The following ZNF385D variants were observed in gnomAD, a reference collection of about 807,000 sequenced individuals.
ZNF385D encodes zinc finger protein 385D.
Under a neutral mutation model 35.8 loss-of-function variants are expected in ZNF385D, and 15 were observed. The observed-to-expected ratio is 0.42, with a 90% CI of 0.28 to 0.64. ZNF385D has a LOEUF of 0.64. ZNF385D is among the 30% of genes least tolerant of loss of function. The pLI, the probability that ZNF385D is intolerant of heterozygous loss-of-function variation, is 0.23. For synonymous variants in ZNF385D, 212 were observed against 186.8 expected, an observed-to-expected ratio of 1.13 and a Z score of -1.10; for missense variants, 474 against 494.6, an observed-to-expected ratio of 0.96 and a Z score of 0.39.
chr3:22,212,725 T>C (rs1045072477), intron 2 of ZNF385D, among the ~76,000 whole-genome samples: 1 of 151,996 alleles, frequency 6.6e-6, no homozygotes, highest in Non-Finnish European at 1.5e-5. Context: ...ATAAAGCCTG[T>C]TTTTAAAAAA....
chr3:21,565,381 G>A (rs535859526), intron 2 of ZNF385D, among the ~76,000 whole-genome samples: 167 of 152,180 alleles, frequency 1.1e-3, no homozygotes, highest in African/African-American at 3.7e-3. Flanking sequence ...CTCTGATAAA[G>A]TTTAGTGTCC....
intron 4 of ZNF385D, among the ~76,000 whole-genome samples, chr3:21,473,472 G>A (rs1410006170): frequency 6.6e-6 from 1 of 152,060 alleles, no homozygotes; most frequent in Non-Finnish European, 1.5e-5. Context: ...CTGGGGAAAT[G>A]TTTTATGTGT....
intron 3 of ZNF385D, among the ~76,000 whole-genome samples, chr3:21,787,480 A>C (rs2071740663): frequency 1.3e-5 from 2 of 152,158 alleles, no homozygotes; most frequent in African/African-American, 4.8e-5. Context: ...CCAGATGCTA[A>C]TATCCAGCAC....
intron 3 of ZNF385D, among the ~76,000 whole-genome samples, chr3:21,994,172 T>C (rs914600535): frequency 6.6e-6 from 1 of 152,196 alleles, no homozygotes; most frequent in African/African-American, 2.4e-5. Flanking sequence ...TACAGGTGTG[T>C]TCCTGGACAT....
At chr3:22,285,705 C>G (rs1237684856) in intron 2 of ZNF385D, among the ~76,000 whole-genome samples, 1 of 152,032 alleles carries the variant, frequency 6.6e-6, no homozygotes, top group Non-Finnish European at 1.5e-5. Context: ...ACAGCAGTCG[C>G]TGGTGTGTGA....
intron 4 of ZNF385D, among the ~76,000 whole-genome samples, chr3:21,492,616 C>A (rs1361923496): frequency 6.6e-6 from 1 of 151,550 alleles, no homozygotes; most frequent in Non-Finnish European, 1.5e-5. Context: ...AACCTCCTCT[C>A]CACCAAAAAC....
At chr3:21,423,187 T>C (rs1359502728) in intron 7 of ZNF385D, among the ~76,000 whole-genome samples, 5 of 152,208 alleles carry the variant, frequency 3.3e-5, no homozygotes, top group Non-Finnish European at 7.3e-5. Context: ...AAATGGGCAA[T>C]GCTACTAAAC....
At chr3:21,808,382 G>C (rs957324646) in intron 3 of ZNF385D, among the ~76,000 whole-genome samples, 2 of 152,132 alleles carry the variant, frequency 1.3e-5, no homozygotes, top group African/African-American at 4.8e-5. Context: ...TATGACTCCA[G>C]ATTCTTTGCT....
chr3:22,345,652 C>T lies in ZNF385D; in HGVS notation c.106+26798G>A, dbSNP rs190335313. On this transcript the variant is annotated intron_variant, in intron 2 of 5. Transcript: ENST00000494108. ...AATAAAGCAGCTAGGTACAGAATAG[C>T]GGCTGTGTAATGAGTGCTGAGCTGT... 9.8e-3 allele frequency among the ~76,000 whole-genome samples: 1,490 copies of T among 152,210 alleles called. 9 individuals carry two copies. Among genetic ancestry groups the T allele is most frequent in the Non-Finnish European group, 0.014 (952 of 68,000 alleles).
intron 3 of ZNF385D, among the ~76,000 whole-genome samples, chr3:21,860,587 C>T (rs370925364): frequency 2.0e-5 from 3 of 152,140 alleles, no homozygotes; most frequent in African/African-American, 7.2e-5. Context: ...GAAAGTGCTC[C>T]TGGGACAGGA....
intron 3 of ZNF385D, among the ~76,000 whole-genome samples, chr3:22,059,503 C>T (rs979601036): frequency 1.3e-5 from 2 of 152,110 alleles, no homozygotes; most frequent in Non-Finnish European, 2.9e-5. Flanking sequence ...GAGTGACAGA[C>T]GTATCTTTCT....
intron 2 of ZNF385D, among the ~76,000 whole-genome samples, chr3:22,219,176 T>C (rs1247465514): frequency 6.6e-6 from 1 of 152,186 alleles, no homozygotes; most frequent in Non-Finnish European, 1.5e-5. Context: ...GAACTGACTA[T>C]GAAGACATAT....
At chr3:21,443,448 G>A (rs1375340144) in intron 4 of ZNF385D, 5 of 510,846 alleles carry the variant, frequency 9.8e-6, no homozygotes, top group Non-Finnish European at 1.3e-5. Context: ...TCCATATACA[G>A]GATGCTGTGT....
intron 2 of ZNF385D, among the ~76,000 whole-genome samples, chr3:22,246,331 T>G (rs1049161326): frequency 3.3e-5 from 5 of 152,298 alleles, no homozygotes; most frequent in African/African-American, 1.2e-4. Flanking sequence ...CTCTGTCTAC[T>G]CTGAAGCATG....
intron 2 of ZNF385D, among the ~76,000 whole-genome samples, chr3:21,599,260 A>C (rs2064213284): frequency 6.6e-6 from 1 of 152,248 alleles, no homozygotes; most frequent in Non-Finnish European, 1.5e-5. Flanking sequence ...AGGATTCCAG[A>C]AAGATCTTTT....
intron 1 of ZNF385D, among the ~76,000 whole-genome samples, chr3:21,676,302 A>G (rs142589668): frequency 1.4e-4 from 22 of 152,234 alleles, no homozygotes; most frequent in African/African-American, 5.3e-4. Context: ...TTCCTTAAGA[A>G]CATTCCCTGC....
chr3:22,237,784 C>T (rs776367600), intron 2 of ZNF385D, among the ~76,000 whole-genome samples: 2 of 152,068 alleles, frequency 1.3e-5, no homozygotes, highest in African/African-American at 4.8e-5. Context: ...TCTGGGACTA[C>T]AGGTGCACAC....
chr3:21,845,203 T>C (rs1196848846), intron 3 of ZNF385D, among the ~76,000 whole-genome samples: 1 of 151,912 alleles, frequency 6.6e-6, no homozygotes, highest in Non-Finnish European at 1.5e-5. Flanking sequence ...GCAAATTTGC[T>C]GCCTCTTATA....
intron 3 of ZNF385D, among the ~76,000 whole-genome samples, chr3:21,806,839 C>T (rs1217632547): frequency 6.6e-6 from 1 of 152,194 alleles, no homozygotes; most frequent in African/African-American, 2.4e-5. Flanking sequence ...AAGAGTGAAA[C>T]TTCAGACTTT....
Sources: allele counts gnomAD v4.1 joint callset (sites outside exome capture counted in the v4.1 genomes callset), GRCh38; gene constraint gnomAD v4.1.1; transcripts MANE v1.5; gene names NCBI Gene and HGNC (gene_info 2026-07-23, HGNC 2026-07-21).